Variants in GMNC observed in about 807,000 individuals in gnomAD.
GMNC encodes the protein geminin coiled-coil domain-containing protein 1.
GMNC carries 16 observed loss-of-function variants against 33.6 expected under a neutral mutation model. The observed-to-expected ratio is 0.48, with a 90% CI of 0.32 to 0.72. GMNC has a LOEUF of 0.72. GMNC is among the 30% of genes least tolerant of loss of function. The pLI, the probability that GMNC is intolerant of heterozygous loss-of-function variation, is 0.03. For synonymous variants in GMNC, 156 were observed against 147.3 expected (o/e 1.06, Z -0.43); for missense variants, 393 against 388.9 (o/e 1.01, Z -0.09).
intron 4 of GMNC, 35 bp downstream of exon 4, chr3:190,857,748 T>A: frequency 9.6e-7 from 1 of 1,043,294 alleles, no homozygotes; most frequent in Non-Finnish European, 1.5e-6. Flanking sequence ...ATCACTGCTT[T>A]GTTCTTATAA....
At chr3:190,851,634 T>G (rs913765369), downstream of GMNC, among the ~76,000 whole-genome samples, 1 of 152,212 alleles carries the variant, frequency 6.6e-6, no homozygotes, top group Non-Finnish European at 1.5e-5. Context: ...GCTATAGCTG[T>G]TGAATAAATA....
rs1306683574 is a variant in GMNC, at chr3:190,861,382, T to C, written c.4-524A>G. On this transcript the variant is annotated intron_variant, in intron 1 of 4. Transcript: ENST00000442080. The surrounding 1 kb of genome is among the most constrained non-coding windows in gnomAD (Gnocchi z 5.1). ...TCATACTTGCCTTATTCCTTCCTTT[T>C]TCCTCCGTCTGACCTAACATACTGC... 1.3e-5 allele frequency among the ~76,000 whole-genome samples: 2 copies of C among 152,184 alleles called. No homozygotes were observed. The highest frequency in any genetic ancestry group is 2.1e-4 in the South Asian group (1 of 4,826).
At chr3:190,859,673 A>G (rs1183464427) in intron 2 of GMNC, 1 of 289,234 alleles carries the variant, frequency 3.5e-6, no homozygotes, top group Admixed American at 4.2e-5. Flanking sequence ...TGTTTTTTCA[A>G]AGTGCCTTTT....
At chr3:190,856,768 C>T (rs1737755632) in intron 4 of GMNC, among the ~76,000 whole-genome samples, 1 of 151,660 alleles carries the variant, frequency 6.6e-6, no homozygotes, top group East Asian at 1.9e-4. Context: ...CAAAGCACTT[C>T]TGAGATATAT....
chr3:190,862,498 G>C lies in GMNC; in HGVS notation c.3+115C>G. The C allele has an allele frequency of 1.3e-6, 1 of 783,102 alleles. No individual in the cohort carries two copies. Among genetic ancestry groups the C allele is most frequent in the Non-Finnish European group, 2.2e-6 (1 of 445,042 alleles). 48.5% of individuals were successfully genotyped at this position (783,102 alleles called of 1,614,324 possible). On this transcript the variant is annotated intron_variant, in intron 1 of 4. Coordinates refer to ENST00000442080, the MANE Select transcript of GMNC (RefSeq NM_001146686.3). The surrounding 1 kb of genome is among the most constrained non-coding windows in gnomAD (Gnocchi z 4.5). Reference sequence around the variant, plus strand: ...CAGCAGAGAGGATCTGTTTTAACTGGCGGGTAGCGGAGAAATCTTGCTCCG... The same window carrying C: ...CAGCAGAGAGGATCTGTTTTAACTGCCGGGTAGCGGAGAAATCTTGCTCCG...
At chr3:190,846,527 A>G in the GMNC span, among the ~76,000 whole-genome samples, 1 of 152,222 alleles carries the variant, frequency 6.6e-6, no homozygotes, top group African/African-American at 2.4e-5. Flanking sequence ...TCATATGCAA[A>G]TAACTGAAGT....
rs1737864764 is a variant in GMNC, at chr3:190,861,453, A to T, written c.4-595T>A. 7.2e-6 allele frequency among the ~76,000 whole-genome samples: 1 copy of T among 139,772 alleles called. No individual in the cohort carries two copies. The highest frequency in any genetic ancestry group is 2.6e-5 in the African/African-American group (1 of 37,848). The allele number at this position is 139,772 out of a possible 152,430, so 91.7% of individuals were successfully genotyped here. On this transcript the variant is annotated intron_variant, in intron 1 of 4. Coordinates refer to ENST00000442080, the MANE Select transcript of GMNC (RefSeq NM_001146686.3). This position sits in a 1 kb window ranked among gnomAD's most constrained non-coding sequence, Gnocchi z 5.1. ...TATCTGTCTGTCTGTCTGTCTGCCTATCATCTATCTATCTATCTATCTATC... is the reference window on the plus strand; with the variant it reads ...TATCTGTCTGTCTGTCTGTCTGCCTTTCATCTATCTATCTATCTATCTATC...
the GMNC span, among the ~76,000 whole-genome samples, chr3:190,843,356 A>T: frequency 5.3e-5 from 8 of 152,166 alleles, no homozygotes; most frequent in Non-Finnish European, 1.2e-4. Flanking sequence ...CAGATATATA[A>T]TAATAGTCAC....
chr3:190,856,564 G>C (rs9830307), intron 4 of GMNC, among the ~76,000 whole-genome samples: 2 of 147,812 alleles, frequency 1.4e-5, no homozygotes, highest in Non-Finnish European at 1.5e-5. Flanking sequence ...AATTTATAAA[G>C]CACTGATTAC....
At chr3:190,859,195 G>A (rs1271789720) in intron 2 of GMNC, among the ~76,000 whole-genome samples, 179 bp from the exon 3 acceptor site, 1 of 152,196 alleles carries the variant, frequency 6.6e-6, no homozygotes. Flanking sequence ...CAAGCTGTGA[G>A]AGACAAATAT....
In GMNC at chr3:190,861,608, C is replaced by T. The variant is rs1270248192; in HGVS notation, c.4-750G>A. On this transcript the variant is annotated intron_variant, in intron 1 of 4. Transcript: ENST00000442080. The surrounding 1 kb of genome is among the most constrained non-coding windows in gnomAD (Gnocchi z 5.1). ...CGTATAATCAAAGCTGAAAGAAGTT[C>T]GTTAGCAAAGACAGCAAGCTCTAGT... 1.3e-5 allele frequency among the ~76,000 whole-genome samples: 2 copies of T among 152,138 alleles called. No individual in the cohort carries two copies. The highest frequency in any genetic ancestry group is 2.9e-5 in the Non-Finnish European group (2 of 68,022).
In GMNC at chr3:190,855,364, C is replaced by T. The variant is rs1240819860; in HGVS notation, c.936G>A (p.Gln312=). 1.3e-6 allele frequency: 2 copies of T among 1,551,768 alleles called. No individual in the cohort carries two copies. The highest frequency in any genetic ancestry group is 2.0e-5 in the Admixed American group (1 of 50,972). Residue 312 remains glutamine, a synonymous_variant, in exon 5 of 5, where the codon CAG becomes CAA. Coordinates refer to ENST00000442080, the MANE Select transcript of GMNC (RefSeq NM_001146686.3). ...CATCTCGACGCACAAAGGCTTGTCC[C>T]TGGTGGAAGGAATGAGTTTTCACAT... ...HCNVKTHSFH[Q]GQAFVRRDEE...
intron 2 of GMNC, among the ~76,000 whole-genome samples, chr3:190,859,348 A>G (rs1359664576): frequency 8.5e-6 from 1 of 117,450 alleles, no homozygotes; most frequent in Non-Finnish European, 1.6e-5. Context: ...ATACTTATTG[A>G]TCTCCCCCAA....
chr3:190,848,041 T>C (rs1219955105), downstream of GMNC, among the ~76,000 whole-genome samples: 1 of 152,174 alleles, frequency 6.6e-6, no homozygotes, highest in African/African-American at 2.4e-5. Context: ...CTTGAAAAAT[T>C]GAAAAGCTTT....
At chr3:190,849,791 A>G (rs1737606387), downstream of GMNC, among the ~76,000 whole-genome samples, 1 of 152,240 alleles carries the variant, frequency 6.6e-6, no homozygotes, top group Non-Finnish European at 1.5e-5. Context: ...AGTGTGTTAG[A>G]ATGAGTCAGT....
At chr3:190,856,031 T>TC in intron 4 of GMNC, 116 bp from the exon 5 acceptor site, 1 of 754,920 alleles carries the variant, frequency 1.3e-6, no homozygotes, top group Non-Finnish European at 2.1e-6. Flanking sequence ...TTGGATTAGC[T>TC]TGTTTGTAAA....
chr3:190,855,909 G>T lies in GMNC; in HGVS notation c.391C>A (p.Leu131Ile). ...KCLEEKAKKL[L>I]SSDEFSKAYG... ...GCTTTGGAGAACTCATCAGATGAGA[G>T]CAATTTCTAGGGAAGTGATATTTGA... Residue 131 changes from leucine to isoleucine, a missense_variant, in exon 5 of 5, where the codon CTC becomes ATC. Coordinates refer to ENST00000442080, the MANE Select transcript of GMNC (RefSeq NM_001146686.3). 5 of 1,534,010 alleles carry T rather than the reference G, an allele frequency of 3.3e-6. No homozygotes were observed. The highest frequency in any genetic ancestry group is 4.4e-6 in the Non-Finnish European group (5 of 1,137,218).
chr3:190,856,372 G>T (rs7644539), intron 4 of GMNC, among the ~76,000 whole-genome samples: 8,114 of 126,508 alleles, frequency 0.064, 800 homozygotes, highest in African/African-American at 0.16. Flanking sequence ...TAAATATTTA[G>T]AAATAGATAT....
the GMNC span, among the ~76,000 whole-genome samples, chr3:190,846,874 G>A: frequency 3.9e-5 from 6 of 152,074 alleles, no homozygotes; most frequent in South Asian, 2.1e-4. Context: ...ATATTAGGTC[G>A]CTTTCGTCCA....
Sources: gnomAD v4.1 joint callset for allele counts (sites outside exome capture counted in the v4.1 genomes callset) on GRCh38, gnomAD v4.1.1 for gene constraint, Gnocchi (gnomAD v3.1) non-coding constraint, MANE v1.5 for transcripts, NCBI Gene and HGNC (gene_info 2026-07-23, HGNC 2026-07-21) for gene names.